Variants in DNAAF11 observed in about 807,000 individuals in gnomAD.
DNAAF11 encodes dynein axonemal assembly factor 11.
In DNAAF11, 45 loss-of-function variants were observed where a neutral mutation model predicts 60.8. The observed-to-expected ratio is 0.74, with a 90% CI of 0.58 to 0.95. The LOEUF (loss-of-function observed/expected upper bound fraction) is 0.95. Ranked by LOEUF, DNAAF11 falls within the 40% of genes least tolerant of loss-of-function variation. The probability of loss-of-function intolerance (pLI) is 0.00; values close to 1 mark genes in which losing one functional copy is unlikely to be tolerated. For missense variants in DNAAF11, 546 were observed against 546.2 expected (o/e 1.00, Z 0.00); for synonymous variants, 191 against 183.5 (o/e 1.04, Z -0.33).
At chr8:132,612,998 T>C (rs1434739841) in intron 8 of DNAAF11, among the ~76,000 whole-genome samples, 1 of 152,082 alleles carries the variant, frequency 6.6e-6, no homozygotes, top group Non-Finnish European at 1.5e-5. Context: ...ACACCAGACA[T>C]AGGGCCTAAA....
intron 11 of DNAAF11, among the ~76,000 whole-genome samples, chr8:132,579,153 A>G (rs983940046): frequency 6.6e-6 from 1 of 152,214 alleles, no homozygotes; most frequent in Non-Finnish European, 1.5e-5. Context: ...TCTCTGCAGC[A>G]CATGCCAATG....
intron 10 of DNAAF11, among the ~76,000 whole-genome samples, chr8:132,599,660 C>T (rs1308011965): frequency 6.6e-6 from 1 of 152,066 alleles, no homozygotes; most frequent in Admixed American, 6.6e-5. Flanking sequence ...ATAAACAGAA[C>T]CAAAGACAAA....
chr8:132,641,638 C>CTAA, intron 3 of DNAAF11, among the ~76,000 whole-genome samples: 1 of 152,050 alleles, frequency 6.6e-6, no homozygotes, highest in Non-Finnish European at 1.5e-5. Flanking sequence ...TTAGTTGGCT[C>CTAA]AGGTGAAAAC....
chr8:132,595,348 G>GAAAAAAA (rs71306394), intron 10 of DNAAF11, among the ~76,000 whole-genome samples: 7 of 57,446 alleles, frequency 1.2e-4, no homozygotes, highest in African/African-American at 5.6e-4. Flanking sequence ...AGACAGAGGG[G>GAAAAAAA]AAAAAAAAAA....
At chr8:132,580,053 C>T (rs956761180) in intron 11 of DNAAF11, among the ~76,000 whole-genome samples, 8 of 148,666 alleles carry the variant, frequency 5.4e-5, no homozygotes, top group East Asian at 2.0e-4. Context: ...AAAAAAAGCA[C>T]GAGAACCAAT....
chr8:132,588,436 A>G (rs1270032414), intron 10 of DNAAF11, among the ~76,000 whole-genome samples: 3 of 152,344 alleles, frequency 2.0e-5, no homozygotes, highest in East Asian at 3.9e-4. Context: ...TATTACCTCC[A>G]TTAAATCTGC....
chr8:132,667,267 T>C (rs1303478325), intron 1 of DNAAF11, among the ~76,000 whole-genome samples: 2 of 152,250 alleles, frequency 1.3e-5, no homozygotes. Context: ...TGTTCATCTA[T>C]TTCAGTTTTC....
chr8:132,580,197 G>A (rs899502768), intron 11 of DNAAF11, among the ~76,000 whole-genome samples: 17 of 152,126 alleles, frequency 1.1e-4, no homozygotes, highest in Admixed American at 5.9e-4. Context: ...AAACTGGAAC[G>A]CTTCCCTCTG....
At chr8:132,625,598 C>T (rs1049419242) in intron 5 of DNAAF11, 144 bp from the exon 6 acceptor site, 30 of 655,610 alleles carry the variant, frequency 4.6e-5, no homozygotes, top group Non-Finnish European at 7.2e-5. Flanking sequence ...ACAGTTTAAC[C>T]AGGCCTGGTT....
At chr8:132,584,317 C>A (rs1815654700) in intron 10 of DNAAF11, among the ~76,000 whole-genome samples, 1 of 152,140 alleles carries the variant, frequency 6.6e-6, no homozygotes, top group South Asian at 2.1e-4. Flanking sequence ...CAGTGCTAAG[C>A]ATGTTGAAGT....
chr8:132,615,219 T>C, intron 7 of DNAAF11, 122 bp from the exon 8 acceptor site: 1 of 516,908 alleles, frequency 1.9e-6, no homozygotes, highest in Non-Finnish European at 3.4e-6. Context: ...AGACAACTTA[T>C]TTTAGTGGTT....
chr8:132,601,307 A>G (rs1235182888), intron 10 of DNAAF11, among the ~76,000 whole-genome samples: 1 of 152,132 alleles, frequency 6.6e-6, no homozygotes, highest in East Asian at 1.9e-4. Flanking sequence ...AAACAGGAAC[A>G]CTTTTACACT....
intron 10 of DNAAF11, among the ~76,000 whole-genome samples, chr8:132,599,559 C>A (rs1817381856): frequency 6.6e-6 from 1 of 152,164 alleles, no homozygotes; most frequent in Non-Finnish European, 1.5e-5. Context: ...AGCAGCACAT[C>A]AAAAAGCTTA....
rs1161493044 is a variant in DNAAF11, at chr8:132,622,613, G to A, written c.912C>T (p.Pro304=). 3 of 1,612,694 alleles carry A rather than the reference G, an allele frequency of 1.9e-6. No homozygotes were observed. Among genetic ancestry groups the A allele is most frequent in the Non-Finnish European group, 1.7e-6 (2 of 1,179,086 alleles). The change falls in exon 7 of 12, where the codon CCC becomes CCT. Residue 304 remains proline, a splice_region_variant and synonymous_variant. Transcript: ENST00000620350. ...ACGCTCTATTTGGCCTCACATACTT[G>A]GGCTCATTCACATTTAGGGCTTTCC... The part of the protein sequence containing the change: ...EDGKALNVNE[P]KIDFSLKDNE...
intron 3 of DNAAF11, among the ~76,000 whole-genome samples, chr8:132,644,981 G>C (rs2130644189): frequency 6.6e-6 from 1 of 152,306 alleles, no homozygotes; most frequent in Middle Eastern, 3.4e-3. Context: ...TTTGAAGAGA[G>C]TAGTGGTCCT....
At position 132,583,749 on chromosome 8, in the gene DNAAF11, C is replaced by T; in HGVS notation, c.1171G>A (p.Ala391Thr). Residue 391 changes from alanine (A) to threonine (T), a missense_variant, in exon 11 of 12, where the codon GCA (alanine) becomes ACA (threonine). Physicochemically the swap from Ala to Thr is moderately conservative, Grantham distance 58. Transcript: ENST00000620350. ...GAGGTAGTTTTCATAGATTTGAATGCTCGCTGACCACCTGTGATTACTTCT... is the reference window on the plus strand; with the variant it reads ...GAGGTAGTTTTCATAGATTTGAATGTTCGCTGACCACCTGTGATTACTTCT... Reference protein sequence around the residue: ...VGEVITGGQRAFKSMKTTSDR... With the variant: ...VGEVITGGQRTFKSMKTTSDR... 6.2e-7 allele frequency: 1 copy of T among 1,613,838 alleles called. No homozygotes were observed.
At chr8:132,657,010 T>C in intron 2 of DNAAF11, 103 bp from the exon 3 acceptor site, 1 of 495,592 alleles carries the variant, frequency 2.0e-6, no homozygotes, top group South Asian at 2.5e-5. Context: ...AGATTATTAT[T>C]ATGGTTATCA....
At chr8:132,701,001 C>G in the DNAAF11 span, among the ~76,000 whole-genome samples, 5 of 152,058 alleles carry the variant, frequency 3.3e-5, no homozygotes, top group Non-Finnish European at 5.9e-5. Flanking sequence ...TGGTATCTTG[C>G]AAGAACTTTC....
chr8:132,663,159 G>C (rs1248771334), intron 1 of DNAAF11, among the ~76,000 whole-genome samples: 2 of 152,204 alleles, frequency 1.3e-5, no homozygotes, highest in African/African-American at 4.8e-5. Context: ...CAGGAAGGAG[G>C]CTAACAGTAC....
Sources: gnomAD v4.1 joint callset for allele counts (sites outside exome capture counted in the v4.1 genomes callset) on GRCh38, gnomAD v4.1.1 for gene constraint, MANE v1.5 for transcripts, NCBI Gene and HGNC (gene_info 2026-07-23, HGNC 2026-07-21) for gene names.